NUCB2: variants seen among roughly 807,000 people sequenced by gnomAD.
NUCB2 encodes nucleobindin-2.
Under a neutral mutation model 57.9 loss-of-function variants are expected in NUCB2, and 48 were observed. The ratio of observed to expected loss-of-function variants is 0.83; its 90% CI spans 0.66 to 1.05. The LOEUF (loss-of-function observed/expected upper bound fraction) is 1.05. Ranked by LOEUF, NUCB2 falls within the 50% of genes least tolerant of loss-of-function variation. The pLI, the probability that NUCB2 is intolerant of heterozygous loss-of-function variation, is 0.00. For synonymous variants in NUCB2, 139 were observed against 152.1 expected, an observed-to-expected ratio of 0.91 and a Z score of 0.64; for missense variants, 442 against 476.2, an observed-to-expected ratio of 0.93 and a Z score of 0.67.
intron 1 of NUCB2, among the ~76,000 whole-genome samples, chr11:17,282,259 T>TCTATCTATCTATCTATC (rs1555062027): frequency 4.1e-5 from 3 of 73,038 alleles, no homozygotes; most frequent in African/African-American, 2.6e-4. Flanking sequence ...TATATATATA[T>TCTATCTATCTATCTATC]TTTTTTTTTT....
At chr11:17,328,243 A>G (rs577997332) in intron 11 of NUCB2, among the ~76,000 whole-genome samples, 1 of 152,200 alleles carries the variant, frequency 6.6e-6, no homozygotes, top group Non-Finnish European at 1.5e-5. Flanking sequence ...TTCCAAACAA[A>G]TGGTCTCTCT....
chr11:17,336,351 G>T (rs1951799172), downstream of NUCB2, among the ~76,000 whole-genome samples: 1 of 151,990 alleles, frequency 6.6e-6, no homozygotes, highest in Non-Finnish European at 1.5e-5. Context: ...AAAAGTTTTG[G>T]ATTTTGGAGC....
intron 11 of NUCB2, among the ~76,000 whole-genome samples, chr11:17,329,796 G>A (rs923300630): frequency 1.3e-5 from 2 of 152,198 alleles, no homozygotes; most frequent in Non-Finnish European, 2.9e-5. Context: ...TGTGCAGACA[G>A]CTGTTAAAAT....
At chr11:17,300,220 A>C (rs1946472889) in intron 4 of NUCB2, among the ~76,000 whole-genome samples, 1 of 152,144 alleles carries the variant, frequency 6.6e-6, no homozygotes, top group African/African-American at 2.4e-5. Flanking sequence ...CATGTTGGCC[A>C]GGCTGGTCTC....
At chr11:17,336,050 T>C (rs1030872880), downstream of NUCB2, among the ~76,000 whole-genome samples, 2 of 152,096 alleles carry the variant, frequency 1.3e-5, no homozygotes, top group African/African-American at 4.8e-5. Flanking sequence ...CTGAAGTGTT[T>C]TGGATTTCGG....
chr11:17,288,406 C>A (rs1054452060), intron 2 of NUCB2, among the ~76,000 whole-genome samples: 2 of 152,160 alleles, frequency 1.3e-5, no homozygotes, highest in African/African-American at 4.8e-5. Context: ...TAGCTCCCTG[C>A]AGCCTAGAAC....
intron 10 of NUCB2, among the ~76,000 whole-genome samples, chr11:17,313,593 C>G (rs546753450): frequency 3.3e-4 from 51 of 152,276 alleles, no homozygotes; most frequent in African/African-American, 1.2e-3. Flanking sequence ...CCTCTGGTTA[C>G]TGCCTCATTT....
chr11:17,322,959 TC>T (rs1418367787), intron 11 of NUCB2, among the ~76,000 whole-genome samples: 1 of 152,102 alleles, frequency 6.6e-6, no homozygotes, highest in Non-Finnish European at 1.5e-5. Flanking sequence ...ATTTATCGGT[TC>T]TAATAGTTTT....
At chr11:17,303,821 G>A (rs943663144) in intron 5 of NUCB2, among the ~76,000 whole-genome samples, 5 of 150,238 alleles carry the variant, frequency 3.3e-5, no homozygotes, top group African/African-American at 9.8e-5. Context: ...GGAGGCAGAG[G>A]TTGCAGTGAA....
downstream of NUCB2, among the ~76,000 whole-genome samples, chr11:17,336,722 C>A (rs554908611): frequency 2.3e-5 from 3 of 128,442 alleles, no homozygotes; most frequent in East Asian, 6.9e-4. Context: ...CCACTGCACT[C>A]CAGCCTGGGC....
chr11:17,285,743 CA>C (rs1159389193), intron 2 of NUCB2, among the ~76,000 whole-genome samples: 2,462 of 36,176 alleles, frequency 0.068, 36 homozygotes, highest in East Asian at 0.35. Flanking sequence ...GACTCCGTCT[CA>C]AAAAAAAAAA....
chr11:17,333,460 TAGTA>T (rs1951572303), downstream of NUCB2: 1 of 152,336 alleles, frequency 6.6e-6, no homozygotes, highest in Non-Finnish European at 1.5e-5. Flanking sequence ...CCTAAAACTT[TAGTA>T]AGTTTCTGGT....
chr11:17,326,538 C>T (rs765889337), intron 11 of NUCB2, among the ~76,000 whole-genome samples: 3 of 151,714 alleles, frequency 2.0e-5, no homozygotes, highest in Non-Finnish European at 2.9e-5. Context: ...AGGCTGGTCT[C>T]GAACTCCCAG....
downstream of NUCB2, among the ~76,000 whole-genome samples, chr11:17,336,753 C>CAAAAAA (rs71047542): frequency 5.1e-4 from 24 of 47,432 alleles, no homozygotes; most frequent in African/African-American, 7.4e-4. Context: ...GACTCCGTCT[C>CAAAAAA]AAAAAAAAAA....
At chr11:17,337,008 A>G (rs112142918), downstream of NUCB2, among the ~76,000 whole-genome samples, 2,229 of 151,940 alleles carry the variant, frequency 0.015, 56 homozygotes, top group African/African-American at 0.05. Context: ...TGGTGCCATC[A>G]TAACTCACTA....
chr11:17,339,677 T>G (rs1952094537), intron 2 of NUCB2, among the ~76,000 whole-genome samples: 1 of 152,078 alleles, frequency 6.6e-6, no homozygotes. Flanking sequence ...ACAAAGGACA[T>G]GAACTCATCA....
intron 2 of NUCB2, among the ~76,000 whole-genome samples, chr11:17,294,244 C>T (rs918296450): frequency 2.0e-5 from 3 of 151,924 alleles, no homozygotes; most frequent in Admixed American, 2.0e-4. Flanking sequence ...TTTTAGTATA[C>T]ATAGGAACCC....
chr11:17,294,596 G>A (rs1384967877), intron 2 of NUCB2, among the ~76,000 whole-genome samples: 1 of 148,096 alleles, frequency 6.8e-6, no homozygotes, highest in Non-Finnish European at 1.5e-5. Context: ...ACTCTCCTGT[G>A]TATGTACCAC....
intron 2 of NUCB2, among the ~76,000 whole-genome samples, chr11:17,348,319 GTTTTTTTTTTTTTTTTTTTTTTT>G (rs55741571): frequency 1.2e-5 from 1 of 84,450 alleles, no homozygotes; most frequent in East Asian, 3.4e-4. Flanking sequence ...TTGTTTTTGT[GTTTTTTTTTTTTTTTTTTTTTTT>G]TTTTTTTTTG....
Sources: allele counts gnomAD v4.1 joint callset (sites outside exome capture counted in the v4.1 genomes callset), GRCh38; gene constraint gnomAD v4.1.1; transcripts MANE v1.5; gene names NCBI Gene and HGNC (gene_info 2026-07-23, HGNC 2026-07-21).